Variants in PIAS1 observed in about 807,000 individuals in gnomAD.
PIAS1 encodes protein inhibitor of activated STAT 1.
PIAS1 carries 6 observed loss-of-function variants against 71.3 expected under a neutral mutation model. That is an observed-to-expected ratio of 0.08 (90% confidence interval 0.05 to 0.17). The LOEUF (loss-of-function observed/expected upper bound fraction) is 0.17, where lower values mean the gene tolerates loss of function less well. Among genes scored for constraint, PIAS1 ranks in the 10% least tolerant of loss-of-function variants. PIAS1 has a pLI of 1.00. For missense variants in PIAS1, 555 were observed against 793.6 expected (o/e 0.70, Z 3.61); for synonymous variants, 303 against 292.9 (o/e 1.03, Z -0.35).
chr15:68,081,023 C>G (rs756539654), intron 1 of PIAS1, among the ~76,000 whole-genome samples: 19 of 152,286 alleles, frequency 1.2e-4, no homozygotes, highest in South Asian at 4.1e-4. Context: ...AAAACTGGCA[C>G]TTTCTGTTTA....
chr15:68,067,096 G>A (rs576885894), intron 1 of PIAS1, among the ~76,000 whole-genome samples: 1 of 152,296 alleles, frequency 6.6e-6, no homozygotes, highest in East Asian at 1.9e-4. Context: ...CCTCACCCTT[G>A]ATCTTAGTTC....
intron 2 of PIAS1, among the ~76,000 whole-genome samples, chr15:68,110,584 G>C (rs1161349662): frequency 6.6e-6 from 1 of 151,828 alleles, no homozygotes; most frequent in Non-Finnish European, 1.5e-5. Flanking sequence ...CAACAACAGT[G>C]AAACTTCTTC....
At chr15:68,144,008 G>A (rs1489651054) in intron 4 of PIAS1, among the ~76,000 whole-genome samples, 1 of 151,862 alleles carries the variant, frequency 6.6e-6, no homozygotes, top group Non-Finnish European at 1.5e-5. Context: ...GCAGCAACAG[G>A]TGTGGTCCAC....
intron 2 of PIAS1, among the ~76,000 whole-genome samples, chr15:68,118,503 A>G (rs1046358402): frequency 1.3e-5 from 2 of 151,932 alleles, no homozygotes; most frequent in Non-Finnish European, 2.9e-5. Flanking sequence ...TGCCCTGCTA[A>G]GTCTTTTAAT....
chr15:68,137,180 C>G (rs1160358209), intron 2 of PIAS1, among the ~76,000 whole-genome samples: 1 of 152,094 alleles, frequency 6.6e-6, no homozygotes, highest in Admixed American at 6.5e-5. Context: ...GGAATTGATC[C>G]AAATAAAATA....
intron 2 of PIAS1, among the ~76,000 whole-genome samples, chr15:68,091,377 C>A (rs1376619582): frequency 3.3e-5 from 5 of 152,118 alleles, no homozygotes; most frequent in African/African-American, 9.6e-5. Flanking sequence ...AGAATACTTT[C>A]ATGGTAAATA....
At position 68,167,684 on chromosome 15, in the gene PIAS1, A is replaced by G. The variant is rs1466532488; in HGVS notation, c.1008+2880A>G. ...TTATGAAATATTTATTATTGTGAAA[A>G]AAACTTGTGAAATTATTCTTTTTGT... is the stretch of plus-strand genomic sequence containing the variant. On this transcript the variant is annotated intron_variant, in intron 8 of 13. Coordinates refer to ENST00000249636, the MANE Select transcript of PIAS1 (RefSeq NM_016166.3). This position sits in a 1 kb window ranked among gnomAD's most constrained non-coding sequence, Gnocchi z 4.4. Among the ~76,000 whole-genome samples the G allele has an allele frequency of 6.6e-6, 1 of 152,122 alleles. No homozygotes were observed. The highest frequency in any genetic ancestry group is 1.9e-4 in the East Asian group (1 of 5,204).
intron 10 of PIAS1, 80 bp downstream of exon 10, chr15:68,175,847 TA>T (rs1246155881): frequency 1.6e-5 from 15 of 959,282 alleles, no homozygotes; most frequent in Non-Finnish European, 2.1e-5. Context: ...CATATATTTT[TA>T]AAAATCACTG....
chr15:68,084,219 T>C (rs1407580781), intron 1 of PIAS1, among the ~76,000 whole-genome samples: 2 of 152,184 alleles, frequency 1.3e-5, no homozygotes, highest in Non-Finnish European at 2.9e-5. Context: ...AGAATGGAGT[T>C]GAAATAGTTC....
intron 9 of PIAS1, among the ~76,000 whole-genome samples, chr15:68,175,278 T>C (rs1467611111): frequency 6.6e-6 from 1 of 152,200 alleles, no homozygotes; most frequent in Non-Finnish European, 1.5e-5. Flanking sequence ...AAATAAGACA[T>C]GCTTATTGTG....
At chr15:68,085,187 A>G (rs1374950578) in intron 1 of PIAS1, among the ~76,000 whole-genome samples, 1 of 152,144 alleles carries the variant, frequency 6.6e-6, no homozygotes, top group Non-Finnish European at 1.5e-5. Context: ...AGTTGGAGAA[A>G]TAGAGAGCAA....
At chr15:68,102,250 A>G (rs2092433248) in intron 2 of PIAS1, among the ~76,000 whole-genome samples, 2 of 152,132 alleles carry the variant, frequency 1.3e-5, no homozygotes, top group Non-Finnish European at 2.9e-5. Flanking sequence ...TTGCATCTTT[A>G]TCAACAATCA....
chr15:68,082,483 A>C (rs1050970274), intron 1 of PIAS1, among the ~76,000 whole-genome samples: 5 of 152,194 alleles, frequency 3.3e-5, no homozygotes, highest in African/African-American at 1.2e-4. Context: ...TTGCAGATGA[A>C]TTAGCAGTAG....
At chr15:68,060,809 G>A (rs2091950176) in intron 1 of PIAS1, among the ~76,000 whole-genome samples, 2 of 152,234 alleles carry the variant, frequency 1.3e-5, no homozygotes, top group South Asian at 2.1e-4. Context: ...TCAGCCTCCC[G>A]AGTAGCTGGG....
chr15:68,098,367 G>C (rs1431053871), intron 2 of PIAS1, among the ~76,000 whole-genome samples: 2 of 152,066 alleles, frequency 1.3e-5, no homozygotes, highest in African/African-American at 2.4e-5. Flanking sequence ...TCATTATAAA[G>C]GTTTTCATAC....
Position 68,190,183 on chromosome 15 carries a change from GAGA to G in PIAS1, c.*2353_*2355del, listed in dbSNP as rs2093112739. ...AGTGTCCCACATTATACCAACCTAAGAGAAGAACAGGTAATAGGGAGAAATAAA... is the reference window on the plus strand; with the variant it reads ...AGTGTCCCACATTATACCAACCTAAGAGAACAGGTAATAGGGAGAAATAAA... On this transcript the variant is annotated 3_prime_UTR_variant, in exon 14 of 14. Coordinates refer to ENST00000249636, the MANE Select transcript of PIAS1 (RefSeq NM_016166.3). The surrounding 1 kb of genome is among the most constrained non-coding windows in gnomAD (Gnocchi z 4.7). 6.6e-6 allele frequency: 1 copy of G among 152,156 alleles called. No homozygotes were observed. 9.4% of individuals were successfully genotyped at this position (152,156 alleles called of 1,614,324 possible).
chr15:68,190,851 A>G lies in PIAS1; in HGVS notation c.*3016A>G, dbSNP rs2093116405. 6.6e-6 allele frequency: 1 copy of G among 152,212 alleles called. No homozygotes were observed. The highest frequency in any genetic ancestry group is 1.5e-5 in the Non-Finnish European group (1 of 68,026). 9.4% of individuals were successfully genotyped at this position (152,212 alleles called of 1,614,324 possible). A position where few individuals can be genotyped will look rare whatever the true frequency, so the allele number is the denominator to read the frequency against. On this transcript the variant is annotated 3_prime_UTR_variant, in exon 14 of 14. Transcript: ENST00000249636. This position sits in a 1 kb window ranked among gnomAD's most constrained non-coding sequence, Gnocchi z 4.7. ...TACTAATTATTTAGACATGATCACA[A>G]TTCTGTATCTTTACTGAGGAAAGAT... is the stretch of plus-strand genomic sequence containing the variant.
At chr15:68,088,869 G>A (rs760832155) in intron 2 of PIAS1, among the ~76,000 whole-genome samples, 6 of 152,028 alleles carry the variant, frequency 3.9e-5, no homozygotes, top group African/African-American at 9.7e-5. Flanking sequence ...TATTTTTGCC[G>A]GTAGTTCATT....
intron 1 of PIAS1, chr15:68,055,779 A>G: frequency 1.8e-6 from 1 of 570,130 alleles, no homozygotes; most frequent in Non-Finnish European, 3.1e-6. Flanking sequence ...TCCCCGTTAT[A>G]ATGAAACGAC....
Sources: allele counts gnomAD v4.1 joint callset (sites outside exome capture counted in the v4.1 genomes callset), GRCh38; gene constraint gnomAD v4.1.1; non-coding constraint Gnocchi (gnomAD v3.1); transcripts MANE v1.5; gene names NCBI Gene and HGNC (gene_info 2026-07-23, HGNC 2026-07-21).